The following ST7 variants were observed in gnomAD, a reference collection of about 807,000 sequenced individuals.
The protein encoded by ST7 is suppressor of tumorigenicity 7 protein.
ST7 carries 28 observed loss-of-function variants against 78.7 expected under a neutral mutation model. That is an observed-to-expected ratio of 0.36 (90% CI 0.26 to 0.49). ST7 has a LOEUF of 0.49. Among genes scored for constraint, ST7 ranks in the 20% least tolerant of loss-of-function variants. ST7 has a pLI of 0.99. For synonymous variants in ST7, 247 were observed against 249.6 expected, an observed-to-expected ratio of 0.99 and a Z score of 0.10; for missense variants, 418 against 696.0, an observed-to-expected ratio of 0.60 and a Z score of 4.49.
rs142787526 is a variant in ST7 at position 116,991,462 on chromosome 7, G to A, written c.151+37771G>A. On this transcript the variant is annotated intron_variant, in intron 1 of 15. Transcript: ENST00000323984. ...TTACATGGTGGCGGCAAGAGAAAAT[G>A]AGGAAGATGCAAAAGCAGAAACCCC... 3.3e-5 allele frequency among the ~76,000 whole-genome samples: 5 copies of A among 152,286 alleles called. No homozygotes were observed. The East Asian group carries it at 9.6e-4, about 29-fold the overall frequency.
intron 1 of ST7, among the ~76,000 whole-genome samples, chr7:117,030,837 T>G (rs1273288522): frequency 6.6e-6 from 1 of 152,130 alleles, no homozygotes; most frequent in South Asian, 2.1e-4. Flanking sequence ...CACTACTGGA[T>G]ATATACTCAA....
chr7:116,979,041 G>A (rs747484732), intron 1 of ST7, among the ~76,000 whole-genome samples: 2 of 152,126 alleles, frequency 1.3e-5, no homozygotes, highest in Non-Finnish European at 2.9e-5. Flanking sequence ...ACCATCCTTG[G>A]GCACAGCTCT....
chr7:117,125,620 G>A (rs1354475902), intron 3 of ST7, among the ~76,000 whole-genome samples: 1 of 151,970 alleles, frequency 6.6e-6, no homozygotes, highest in African/African-American at 2.4e-5. Context: ...AGAGAATTGG[G>A]TATTCATTTC....
intron 1 of ST7, among the ~76,000 whole-genome samples, chr7:117,094,801 T>C (rs918895524): frequency 3.3e-5 from 5 of 152,152 alleles, no homozygotes; most frequent in Non-Finnish European, 5.9e-5. Context: ...GTCCCTTCCA[T>C]TGTTTTTTTG....
chr7:117,207,936 A>AT (rs1202641403), intron 12 of ST7, among the ~76,000 whole-genome samples: 3 of 151,724 alleles, frequency 2.0e-5, no homozygotes, highest in African/African-American at 7.3e-5. Flanking sequence ...CAAGTTATTT[A>AT]TTTTTTTTCA....
At chr7:117,204,963 G>A (rs928785112) in intron 12 of ST7, among the ~76,000 whole-genome samples, 1 of 152,188 alleles carries the variant, frequency 6.6e-6, no homozygotes, top group African/African-American at 2.4e-5. Flanking sequence ...AGTAACTTGG[G>A]AGGCTGAGGC....
chr7:117,093,883 C>T lies in ST7; in HGVS notation c.152-5879C>T, dbSNP rs117269015. Among the ~76,000 whole-genome samples the T allele has an allele frequency of 1.1e-3, 171 of 152,242 alleles. 1 individual carries two copies. The East Asian group carries it at 0.028, about 25-fold the overall frequency. ...AGACAATGAAACAATCTCAAATGTA[C>T]ACGAATACTTTTTGTAAAGAGATTT... On this transcript the variant is annotated intron_variant, in intron 1 of 15. Transcript: ENST00000323984.
chr7:117,200,832 T>A lies in ST7; in HGVS notation c.1255-8955T>A, dbSNP rs1006758824. Among the ~76,000 whole-genome samples the A allele has an allele frequency of 1.1e-3, 128 of 121,742 alleles. No individual in the cohort carries two copies. The East Asian group carries it at 0.012, about 12-fold the overall frequency. The allele number at this position is 121,742 out of a possible 152,430, so 79.9% of individuals were successfully genotyped here. ...AAAAATGTACTCTTTTTTTTTTTTT[T>A]TTAAAAAAAAAAGAAAGCTCATCTA... On this transcript the variant is annotated intron_variant, in intron 12 of 15. Transcript: ENST00000323984.
intron 12 of ST7, among the ~76,000 whole-genome samples, chr7:117,199,337 T>C (rs1027354666): frequency 6.6e-6 from 1 of 152,080 alleles, no homozygotes; most frequent in Admixed American, 6.5e-5. Flanking sequence ...TCCCTGCCCC[T>C]GCACCCTCTG....
At position 117,119,583 on chromosome 7, in the gene ST7, G is replaced by T. The variant is rs778924909; in HGVS notation, c.257G>T (p.Arg86Leu). The change falls in exon 3 of 16, where the codon CGC becomes CTC. Residue 86 changes from arginine (R) to leucine (L), a missense_variant. By Grantham distance (102) the Arg-to-Leu change is moderately radical. Around this residue, in one of 4 missense-constraint regions of ST7, gnomAD observed 23 missense variants for 67.7 expected, o/e 0.34. Coordinates refer to ENST00000323984, the MANE Select transcript of ST7 (RefSeq NM_001369598.1). ...LILIFEWWYF[R>L]KYGTSFIEQV... is the part of the protein sequence containing the mutation. ...TAGATATTTGAATGGTGGTATTTTC[G>T]CAAATACGGAACTTCATTCATTGAA... 6.2e-7 allele frequency: 1 copy of T among 1,611,578 alleles called. No homozygotes were observed.
chr7:116,972,979 C>T, intron 1 of ST7: 1 of 802,742 alleles, frequency 1.2e-6, no homozygotes, highest in Admixed American at 1.9e-5. Flanking sequence ...AGCCTCCTCT[C>T]CCTCACCCAT....
chr7:117,073,894 T>C (rs1432300752), intron 1 of ST7: 2 of 152,224 alleles, frequency 1.3e-5, no homozygotes, highest in African/African-American at 4.8e-5. Context: ...TCTCGTGGAA[T>C]GTTGAACATT....
intron 1 of ST7, among the ~76,000 whole-genome samples, chr7:117,022,538 A>G (rs182774958): frequency 3.8e-3 from 579 of 152,300 alleles, no homozygotes; most frequent in Non-Finnish European, 6.1e-3. Flanking sequence ...TTTGATGTCA[A>G]CCTTTTGGAG....
intron 10 of ST7, chr7:117,187,867 G>A (rs536568460): frequency 3.3e-5 from 5 of 152,096 alleles, no homozygotes; most frequent in Admixed American, 2.6e-4. Context: ...AACATATTTC[G>A]TTCCTGTATT....
chr7:117,200,724 A>T (rs2115879427), intron 12 of ST7, among the ~76,000 whole-genome samples: 1 of 152,186 alleles, frequency 6.6e-6, no homozygotes, highest in East Asian at 1.9e-4. Context: ...TAGCTTTCAA[A>T]TTATAAGTCT....
intron 1 of ST7, among the ~76,000 whole-genome samples, chr7:116,977,434 G>A (rs1283720431): frequency 2.0e-5 from 3 of 152,240 alleles, no homozygotes; most frequent in Non-Finnish European, 4.4e-5. Flanking sequence ...CTGCATTCAA[G>A]TGAGGGAGGG....
chr7:117,008,658 G>T (rs904417270), intron 1 of ST7, among the ~76,000 whole-genome samples: 4 of 152,126 alleles, frequency 2.6e-5, no homozygotes, highest in African/African-American at 9.7e-5. Context: ...GAAATGAAGG[G>T]AATTGGGATG....
chr7:117,019,298 T>C (rs1795765336), intron 1 of ST7, among the ~76,000 whole-genome samples: 1 of 152,238 alleles, frequency 6.6e-6, no homozygotes, highest in Non-Finnish European at 1.5e-5. Flanking sequence ...TTGTGTTGGA[T>C]AGCTAATGAA....
chr7:117,021,321 C>T (rs1318658437), intron 1 of ST7, among the ~76,000 whole-genome samples: 1 of 152,128 alleles, frequency 6.6e-6, no homozygotes, highest in Non-Finnish European at 1.5e-5. Context: ...AAATTACAAC[C>T]AAACTATGTG....
Sources: gnomAD v4.1 joint callset for allele counts (sites outside exome capture counted in the v4.1 genomes callset) on GRCh38, gnomAD v4.1.1 for gene constraint, gnomAD v4.1.1 regional missense constraint, MANE v1.5 for transcripts, NCBI Gene and HGNC (gene_info 2026-07-23, HGNC 2026-07-21) for gene names.